Variants in RBFOX1 observed in about 807,000 individuals in gnomAD.
The protein encoded by RBFOX1 is RNA binding fox-1 homolog 1.
Under a neutral mutation model 57.7 loss-of-function variants are expected in RBFOX1, and 8 were observed. That is an observed-to-expected ratio of 0.14 (90% CI 0.08 to 0.25). The LOEUF (loss-of-function observed/expected upper bound fraction) is 0.25, where lower values mean the gene tolerates loss of function less well. Ranked by LOEUF, RBFOX1 falls within the 10% of genes least tolerant of loss-of-function variation. The pLI is 1.00. For missense variants in RBFOX1, 611 were observed against 548.5 expected (o/e 1.11, Z -1.14); for synonymous variants, 326 against 222.4 (o/e 1.47, Z -4.15).
At chr16:6,768,749 T>TG (rs2077794688) in intron 3 of RBFOX1, among the ~76,000 whole-genome samples, 1 of 149,622 alleles carries the variant, frequency 6.7e-6, no homozygotes, top group Non-Finnish European at 1.5e-5. Flanking sequence ...TCTTTTTTTT[T>TG]TTTTGAGACT....
chr16:7,109,057 A>G (rs1016558690), intron 4 of RBFOX1, among the ~76,000 whole-genome samples: 32 of 152,302 alleles, frequency 2.1e-4, no homozygotes, highest in Admixed American at 2.6e-4. Flanking sequence ...AGACACTGCT[A>G]ACTTCTGAAA....
At chr16:6,087,614 G>A (rs1193404065) in intron 1 of RBFOX1, among the ~76,000 whole-genome samples, 2 of 151,716 alleles carry the variant, frequency 1.3e-5, no homozygotes, top group African/African-American at 4.8e-5. Flanking sequence ...TTGTATGGAT[G>A]CAGCATAGGA....
intron 2 of RBFOX1, among the ~76,000 whole-genome samples, chr16:5,542,000 G>A (rs2044974631): frequency 1.3e-5 from 2 of 152,100 alleles, no homozygotes; most frequent in South Asian, 4.2e-4. Flanking sequence ...CCAGGGGCCT[G>A]TTTAAAGGAA....
intron 4 of RBFOX1, among the ~76,000 whole-genome samples, chr16:7,121,955 A>G (rs1292769295): frequency 6.6e-6 from 1 of 152,050 alleles, no homozygotes; most frequent in Non-Finnish European, 1.5e-5. Context: ...TGGTGTTGGA[A>G]TAATTGCAAA....
intron 4 of RBFOX1, among the ~76,000 whole-genome samples, chr16:7,271,822 A>G (rs1007223701): frequency 4.8e-5 from 7 of 144,702 alleles, no homozygotes; most frequent in African/African-American, 1.5e-4. Context: ...TTCACTCAGG[A>G]AAAAAAAAAA....
At chr16:6,828,883 AAC>A (rs2092455154) in intron 3 of RBFOX1, among the ~76,000 whole-genome samples, 1 of 152,204 alleles carries the variant, frequency 6.6e-6, no homozygotes, top group African/African-American at 2.4e-5. Context: ...TGGCTAAAGA[AAC>A]ACATAAAGGT....
intron 4 of RBFOX1, among the ~76,000 whole-genome samples, chr16:7,270,385 G>C (rs1047281892): frequency 2.6e-5 from 4 of 152,134 alleles, no homozygotes; most frequent in Non-Finnish European, 4.4e-5. Context: ...AATGTAAGAA[G>C]TTTAACGCAA....
chr16:6,024,091 G>A (rs564136930), intron 1 of RBFOX1, among the ~76,000 whole-genome samples: 2 of 152,186 alleles, frequency 1.3e-5, no homozygotes, highest in Non-Finnish European at 2.9e-5. Context: ...TGTGAGCACT[G>A]TCACTCATTA....
chr16:6,271,686 C>G (rs994610635), intron 1 of RBFOX1, among the ~76,000 whole-genome samples: 1 of 152,150 alleles, frequency 6.6e-6, no homozygotes, highest in Non-Finnish European at 1.5e-5. Context: ...ACAAACTTAT[C>G]TTTGACAACT....
At chr16:5,683,358 A>G (rs1796129163) in intron 3 of RBFOX1, among the ~76,000 whole-genome samples, 1 of 151,904 alleles carries the variant, frequency 6.6e-6, no homozygotes, top group South Asian at 2.1e-4. Flanking sequence ...GGCTGTTGTG[A>G]TGGTCAATAC....
chr16:7,106,945 C>G (rs1299233164), intron 4 of RBFOX1, among the ~76,000 whole-genome samples: 1 of 143,186 alleles, frequency 7.0e-6, no homozygotes, highest in Admixed American at 7.2e-5. Context: ...CGTCCCTAAT[C>G]CTACGAAGCT....
At chr16:6,243,763 G>A (rs1293517779) in intron 1 of RBFOX1, among the ~76,000 whole-genome samples, 1 of 152,118 alleles carries the variant, frequency 6.6e-6, no homozygotes, top group African/African-American at 2.4e-5. Flanking sequence ...CTAGCACCTT[G>A]GTTTGGTTGG....
intron 3 of RBFOX1, among the ~76,000 whole-genome samples, chr16:6,756,944 C>T (rs777358914): frequency 2.0e-4 from 30 of 152,164 alleles, no homozygotes; most frequent in Non-Finnish European, 3.1e-4. Context: ...CATTGCACTC[C>T]AGCCTGGGCA....
At position 5,951,455 on chromosome 16, in the gene RBFOX1, A is replaced by ATG. The variant is rs547354362; in HGVS notation, c.351+84132_351+84133dup. Among the ~76,000 whole-genome samples the ATG allele has an allele frequency of 2.7e-3, 413 of 151,988 alleles. 2 individuals are homozygous for ATG. The highest frequency in any genetic ancestry group is 9.4e-3 in the African/African-American group (390 of 41,462). On this transcript the variant is annotated intron_variant, in intron 4 of 19. Transcript: ENST00000641259. ...ACAGCAAGACTCCATCTCAAAATAT[A>ATG]TGTGTGTGTGTGTATGTGTATGTGT...
intron 1 of RBFOX1, among the ~76,000 whole-genome samples, chr16:5,307,604 A>G (rs2063971646): frequency 6.6e-6 from 1 of 152,176 alleles, no homozygotes; most frequent in Non-Finnish European, 1.5e-5. Context: ...GATCTCACAC[A>G]CACCGGGAAT....
At position 6,251,762 on chromosome 16, in the gene RBFOX1, C is replaced by T. The variant is rs559977474; in HGVS notation, c.-126-65233C>T. 2.6e-5 allele frequency among the ~76,000 whole-genome samples: 4 copies of T among 152,172 alleles called. No individual in the cohort carries two copies. The East Asian group carries it at 7.8e-4, about 30-fold the overall frequency. ...AAACTGATGCTTCCTCTTCATGCTG[C>T]CCCTAATGACGTAGCTGGAGTCACT... On this transcript the variant is annotated intron_variant, in intron 1 of 15. Coordinates refer to ENST00000550418, the MANE Select transcript of RBFOX1 (RefSeq NM_018723.4).
rs950257394 is a variant in RBFOX1, at chr16:5,246,484, C to T, written c.219+6379C>T. On this transcript the variant is annotated intron_variant, in intron 1 of 2. Coordinates refer to the RBFOX1 transcript ENST00000585867. ...TGAGAACACTTAAAAAATCTACTCTCTTAGTGATTTCCAAGTGTATGATAT... is the reference window on the plus strand; with the variant it reads ...TGAGAACACTTAAAAAATCTACTCTTTTAGTGATTTCCAAGTGTATGATAT... 7.2e-4 allele frequency among the ~76,000 whole-genome samples: 109 copies of T among 152,128 alleles called. 1 individual carries two copies. Among genetic ancestry groups the T allele is most frequent in the African/African-American group, 2.3e-3 (97 of 41,506 alleles).
At chr16:6,786,978 C>T (rs1016206399) in intron 3 of RBFOX1, among the ~76,000 whole-genome samples, 1 of 152,058 alleles carries the variant, frequency 6.6e-6, no homozygotes, top group Non-Finnish European at 1.5e-5. Flanking sequence ...TCCCTCTGCA[C>T]AGGTCACCCA....
intron 3 of RBFOX1, among the ~76,000 whole-genome samples, chr16:5,708,480 A>G (rs758290971): frequency 6.6e-6 from 1 of 152,206 alleles, no homozygotes; most frequent in African/African-American, 2.4e-5. Flanking sequence ...CTATTAGTAG[A>G]TCCACCTGCG....
Sources: allele counts gnomAD v4.1 joint callset (sites outside exome capture counted in the v4.1 genomes callset), GRCh38; gene constraint gnomAD v4.1.1; transcripts MANE v1.5; gene names NCBI Gene and HGNC (gene_info 2026-07-23, HGNC 2026-07-21).